Variants in LIG1 observed in about 807,000 individuals in gnomAD.
LIG1 encodes DNA ligase 1, also known as ligase I, DNA, ATP-dependent.
In LIG1, 70 loss-of-function variants were observed where a neutral mutation model predicts 115.7. That is an observed-to-expected ratio of 0.60 (90% CI 0.50 to 0.74). LIG1 has a LOEUF of 0.74. Ranked by LOEUF, LIG1 falls within the 30% of genes least tolerant of loss-of-function variation. The pLI is 0.00. For missense variants in LIG1, 1,115 were observed against 1,225.6 expected, an observed-to-expected ratio of 0.91 and a Z score of 1.35; for synonymous variants, 487 against 495.3, an observed-to-expected ratio of 0.98 and a Z score of 0.22.
chr19:48,121,032 T>C, intron 24 of LIG1, 138 bp downstream of exon 24: 1 of 1,524,942 alleles, frequency 6.6e-7, no homozygotes, highest in Non-Finnish European at 8.8e-7. Context: ...CCAGAAAAAG[T>C]AAATAAAAAC....
intron 11 of LIG1, among the ~76,000 whole-genome samples, chr19:48,142,109 C>G (rs1396083370): frequency 6.6e-6 from 1 of 151,732 alleles, no homozygotes; most frequent in Non-Finnish European, 1.5e-5. Context: ...CAAGACCAGC[C>G]TGGCCAACAT....
At chr19:48,125,393 G>A (rs2033596249) in intron 21 of LIG1, among the ~76,000 whole-genome samples, 1 of 152,162 alleles carries the variant, frequency 6.6e-6, no homozygotes, top group African/African-American at 2.4e-5. Flanking sequence ...TTCATGTAGT[G>A]AAACATCAGT....
intron 11 of LIG1, among the ~76,000 whole-genome samples, chr19:48,142,634 C>T (rs2122713858): frequency 6.6e-6 from 1 of 151,920 alleles, no homozygotes; most frequent in African/African-American, 2.4e-5. Flanking sequence ...ATGAGCCGTA[C>T]CCATGATAAT....
chr19:48,143,505 C>CGCGGGGGGGGGGGGGGGGG, intron 11 of LIG1, 38 bp downstream of exon 11: 3 of 850,464 alleles, frequency 3.5e-6, no homozygotes, highest in African/African-American at 1.7e-5. Context: ...GACCCAGAAG[C>CGCGGGGGGGGGGGGGGGGG]GACCCCGCCC....
Position 48,137,824 on chromosome 19 carries a change from C to A in LIG1, c.1088-136G>T. 9.1e-7 allele frequency: 1 copy of A among 1,098,162 alleles called. No individual in the cohort carries two copies. The highest frequency in any genetic ancestry group is 1.4e-5 in the South Asian group (1 of 70,640). The allele number at this position is 1,098,162 out of a possible 1,614,324, so 68.0% of individuals were successfully genotyped here. On this transcript the variant is annotated intron_variant, in intron 12 of 27. Coordinates refer to ENST00000263274, the MANE Select transcript of LIG1 (RefSeq NM_000234.3). This position sits in a 1 kb window ranked among gnomAD's most constrained non-coding sequence, Gnocchi z 4.3. ...TCCCTGCACCTCCCTGTGTCTAACG[C>A]TCACCCACTTGGTAGAAATGGCTTG...
At chr19:48,127,064 A>C (rs2033720016) in intron 21 of LIG1, 2 of 577,324 alleles carry the variant, frequency 3.5e-6, no homozygotes, top group South Asian at 3.9e-5. Flanking sequence ...GCCAATGTGG[A>C]GTTGGAAAGA....
intron 26 of LIG1, among the ~76,000 whole-genome samples, chr19:48,116,645 G>A (rs914223042): frequency 9.2e-5 from 14 of 151,970 alleles, no homozygotes; most frequent in African/African-American, 1.7e-4. Context: ...CATCCTCACC[G>A]TAAAATGGAG....
intron 5 of LIG1, 109 bp downstream of exon 5, chr19:48,156,905 C>A: frequency 9.4e-7 from 1 of 1,068,800 alleles, no homozygotes; most frequent in South Asian, 1.6e-5. Context: ...TGCCACTGCA[C>A]TCCAGCCTAG....
intron 18 of LIG1, among the ~76,000 whole-genome samples, chr19:48,131,372 C>T (rs2034014375): frequency 6.6e-6 from 1 of 152,212 alleles, no homozygotes; most frequent in South Asian, 2.1e-4. Flanking sequence ...TCATTTTCTT[C>T]TTCATTTCCA....
At position 48,141,305 on chromosome 19, in the gene LIG1, A is replaced by G. The variant is rs1411448660; in HGVS notation, c.915-1162T>C. Among the ~76,000 whole-genome samples the G allele has an allele frequency of 2.6e-5, 4 of 151,912 alleles. No individual in the cohort carries two copies. In the East Asian group the frequency reaches 7.7e-4, roughly 29 times the overall value. ...CCACCATGCCCGGCTAATTTTTTTT[A>G]ATTTTTAGTAGAGACGGGGTTTCAA... is the stretch of plus-strand genomic sequence containing the variant. On this transcript the variant is annotated intron_variant, in intron 11 of 27. Transcript: ENST00000263274.
intron 1 of LIG1, among the ~76,000 whole-genome samples, chr19:48,168,246 A>G (rs2036583701): frequency 6.6e-6 from 1 of 152,220 alleles, no homozygotes; most frequent in African/African-American, 2.4e-5. Flanking sequence ...TATGCCTGAC[A>G]GGCTGATCAC....
intron 9 of LIG1, chr19:48,147,324 T>C (rs1383087532): frequency 1.3e-5 from 2 of 152,158 alleles, no homozygotes; most frequent in African/African-American, 4.8e-5. Flanking sequence ...CACCATCACA[T>C]TGTATTTGAA....
chr19:48,163,066 C>G (rs1411126013), intron 2 of LIG1, among the ~76,000 whole-genome samples: 3 of 151,586 alleles, frequency 2.0e-5, no homozygotes, highest in Non-Finnish European at 4.4e-5. Context: ...AGGTGCCCAC[C>G]ACAACGCCCA....
chr19:48,148,170 G>C (rs2035242299), intron 9 of LIG1, among the ~76,000 whole-genome samples: 2 of 152,128 alleles, frequency 1.3e-5, no homozygotes, highest in Non-Finnish European at 2.9e-5. Context: ...CCGGGGTCAA[G>C]CATGTTCAGA....
intron 5 of LIG1, 117 bp from the exon 6 acceptor site, chr19:48,154,084 G>A (rs2035681971): frequency 9.7e-6 from 8 of 824,932 alleles, no homozygotes; most frequent in Non-Finnish European, 1.7e-5. Context: ...CCCCTTCTCT[G>A]CCTGCACACA....
chr19:48,124,922 G>A (rs2033562183), intron 21 of LIG1, among the ~76,000 whole-genome samples: 1 of 151,910 alleles, frequency 6.6e-6, no homozygotes, highest in Non-Finnish European at 1.5e-5. Context: ...GGCTGACGCA[G>A]GAGAATCACT....
At chr19:48,125,687 C>T (rs1296940031) in intron 21 of LIG1, among the ~76,000 whole-genome samples, 1 of 152,180 alleles carries the variant, frequency 6.6e-6, no homozygotes, top group Non-Finnish European at 1.5e-5. Flanking sequence ...GGTTCATCTA[C>T]CAGATGATCA....
In LIG1 at chr19:48,137,015, T is replaced by A; in HGVS notation, c.1324A>T (p.Ile442Phe). The A allele has an allele frequency of 6.2e-7, 1 of 1,612,434 alleles. No individual in the cohort carries two copies. The highest frequency in any genetic ancestry group is 8.5e-7 in the Non-Finnish European group (1 of 1,179,350). Reference protein sequence around the residue: ...VACRHSEARFIARSLSGRLRL... With the variant: ...VACRHSEARFFARSLSGRLRL... ...ACAGGCCCACACGCTTACCTAGCGA[T>A]GAACCGGGCTTCTGAGTGGCGGCAG... The change falls in exon 14 of 28, where the codon ATC becomes TTC. Residue 442 changes from isoleucine (I) to phenylalanine (F), a missense_variant. Transcript: ENST00000263274. The surrounding 1 kb of genome is among the most constrained non-coding windows in gnomAD (Gnocchi z 4.3).
At chr19:48,143,520 C>T in intron 11 of LIG1, 23 bp downstream of exon 11, 17 of 609,994 alleles carry the variant, frequency 2.8e-5, no homozygotes, top group African/African-American at 4.1e-5. Flanking sequence ...CCGCCCCCCA[C>T]CCAGGCAGTC....
Sources: gnomAD v4.1 joint callset for allele counts (sites outside exome capture counted in the v4.1 genomes callset) on GRCh38, gnomAD v4.1.1 for gene constraint, Gnocchi (gnomAD v3.1) non-coding constraint, MANE v1.5 for transcripts, NCBI Gene and HGNC (gene_info 2026-07-23, HGNC 2026-07-21) for gene names.